The following EPHA3 variants were observed in gnomAD, a reference collection of about 807,000 sequenced individuals.
The protein encoded by EPHA3 is ephrin type-A receptor 3.
EPHA3 carries 42 observed loss-of-function variants against 107.1 expected under a neutral mutation model. The ratio of observed to expected loss-of-function variants is 0.39; its 90% CI spans 0.31 to 0.51. EPHA3 has a LOEUF of 0.51. EPHA3 is among the 20% of genes least tolerant of loss of function. EPHA3 has a pLI of 0.78. For synonymous variants in EPHA3, 461 were observed against 424.8 expected, an observed-to-expected ratio of 1.09 and a Z score of -1.05; for missense variants, 1,183 against 1,211.2, an observed-to-expected ratio of 0.98 and a Z score of 0.35.
intron 5 of EPHA3, among the ~76,000 whole-genome samples, chr3:89,349,613 T>G (rs1707756380): frequency 1.4e-5 from 2 of 141,616 alleles, no homozygotes; most frequent in South Asian, 2.3e-4. Flanking sequence ...TTAGTCCATT[T>G]ACATTTAAAG....
At chr3:89,168,368 T>G (rs570181844) in intron 2 of EPHA3, among the ~76,000 whole-genome samples, 5 of 152,238 alleles carry the variant, frequency 3.3e-5, no homozygotes, top group Non-Finnish European at 5.9e-5. Context: ...AGTGGAAAGT[T>G]TATGTTATTT....
chr3:89,422,788 T>C (rs1424491139), intron 11 of EPHA3, among the ~76,000 whole-genome samples: 2 of 151,460 alleles, frequency 1.3e-5, no homozygotes, highest in South Asian at 2.1e-4. Context: ...TCAAATACAA[T>C]GTATCATTTT....
chr3:89,322,018 A>T (rs1707054457), intron 3 of EPHA3, among the ~76,000 whole-genome samples: 1 of 152,016 alleles, frequency 6.6e-6, no homozygotes, highest in South Asian at 2.1e-4. Flanking sequence ...AGTTTGGTAG[A>T]ATTGTGTGAA....
At chr3:89,218,130 A>G (rs1225412368) in intron 3 of EPHA3, among the ~76,000 whole-genome samples, 1 of 151,470 alleles carries the variant, frequency 6.6e-6, no homozygotes, top group African/African-American at 2.4e-5. Context: ...AGCATCTTGG[A>G]TTTTATTATT....
At chr3:89,328,765 A>C (rs1707227126) in intron 3 of EPHA3, among the ~76,000 whole-genome samples, 1 of 152,142 alleles carries the variant, frequency 6.6e-6, no homozygotes, top group African/African-American at 2.4e-5. Context: ...AAGAGATAAT[A>C]CCAGTCTCAC....
In EPHA3 at chr3:89,446,836, A is replaced by G. The variant is rs1216652803; in HGVS notation, c.2347-2389A>G. ...GAAAGTATACTTATACGCTTTCAGT[A>G]ATTTGGTTCTGGAAAAAGAGAAGTA... On this transcript the variant is annotated intron_variant, in intron 13 of 16. Transcript: ENST00000336596. Among the ~76,000 whole-genome samples the G allele has an allele frequency of 2.0e-5, 3 of 152,214 alleles. No individual in the cohort carries two copies. The South Asian group carries it at 6.2e-4, about 32-fold the overall frequency.
At chr3:89,460,976 C>G (rs1327996776) in intron 15 of EPHA3, among the ~76,000 whole-genome samples, 22 of 120,640 alleles carry the variant, frequency 1.8e-4, no homozygotes, top group East Asian at 4.8e-4. Context: ...TCCCTCCCCC[C>G]TCCCCCGACC....
chr3:89,429,650 T>C (rs1365013811), intron 12 of EPHA3, among the ~76,000 whole-genome samples: 2 of 152,160 alleles, frequency 1.3e-5, no homozygotes, highest in African/African-American at 2.4e-5. Context: ...CTGTTAGATA[T>C]GTACATTAAT....
At chr3:89,382,852 A>G (rs1708539537) in intron 5 of EPHA3, among the ~76,000 whole-genome samples, 1 of 152,288 alleles carries the variant, frequency 6.6e-6, no homozygotes, top group South Asian at 2.1e-4. Flanking sequence ...ATGTTCCTGG[A>G]CTAACATTTG....
intron 2 of EPHA3, among the ~76,000 whole-genome samples, chr3:89,202,532 AAAATAT>A (rs1396533982): frequency 0.022 from 559 of 25,334 alleles, no homozygotes; most frequent in African/African-American, 0.041. Flanking sequence ...AAAAAAAAAA[AAAATAT>A]ATATATATAT....
At chr3:89,214,941 G>C (rs1054667354) in intron 3 of EPHA3, among the ~76,000 whole-genome samples, 3 of 151,840 alleles carry the variant, frequency 2.0e-5, no homozygotes, top group African/African-American at 7.2e-5. Context: ...GTTAAGCCTA[G>C]GTTTTGTTCA....
chr3:89,440,720 C>A (rs934771636), intron 13 of EPHA3, among the ~76,000 whole-genome samples: 5 of 152,210 alleles, frequency 3.3e-5, no homozygotes, highest in African/African-American at 1.2e-4. Context: ...GTTTTAGACT[C>A]TCAACTAATC....
intron 3 of EPHA3, among the ~76,000 whole-genome samples, chr3:89,293,063 T>C (rs759053841): frequency 6.6e-6 from 1 of 152,172 alleles, no homozygotes; most frequent in East Asian, 1.9e-4. Context: ...TGGTATCCCA[T>C]TGTGGCTTTA....
intron 3 of EPHA3, among the ~76,000 whole-genome samples, chr3:89,211,742 CCTTCTT>C (rs1206791496): frequency 0.062 from 1,190 of 19,258 alleles, 14 homozygotes; most frequent in East Asian, 0.11. Flanking sequence ...TTCTTCTTCT[CCTTCTT>C]CTTCTTCTTC....
chr3:89,365,740 A>G (rs567640052), intron 5 of EPHA3, among the ~76,000 whole-genome samples: 1 of 150,854 alleles, frequency 6.6e-6, no homozygotes, highest in South Asian at 2.1e-4. Flanking sequence ...AGAGGAATAG[A>G]GGACAAAGCG....
chr3:89,454,554 A>G (rs1710060110), intron 15 of EPHA3, among the ~76,000 whole-genome samples: 1 of 152,122 alleles, frequency 6.6e-6, no homozygotes. Flanking sequence ...CCCTGCTTTG[A>G]TTGCTTTCAA....
At chr3:89,190,782 A>G (rs1300428878) in intron 2 of EPHA3, among the ~76,000 whole-genome samples, 1 of 152,230 alleles carries the variant, frequency 6.6e-6, no homozygotes, top group Non-Finnish European at 1.5e-5. Context: ...TTTCTGGCTT[A>G]TAAATGGCTG....
chr3:89,233,438 C>T (rs940879521), intron 3 of EPHA3, among the ~76,000 whole-genome samples: 1 of 152,058 alleles, frequency 6.6e-6, no homozygotes, highest in African/African-American at 2.4e-5. Flanking sequence ...GCGGGGCTTG[C>T]CTTTGGTACT....
At chr3:89,130,792 G>A (rs1004202633) in intron 2 of EPHA3, among the ~76,000 whole-genome samples, 6 of 151,920 alleles carry the variant, frequency 3.9e-5, no homozygotes, top group African/African-American at 1.2e-4. Context: ...CCGCCACCAC[G>A]CTCAGCTAAT....
Sources: gnomAD v4.1 joint callset for allele counts (sites outside exome capture counted in the v4.1 genomes callset) on GRCh38, gnomAD v4.1.1 for gene constraint, MANE v1.5 for transcripts, NCBI Gene and HGNC (gene_info 2026-07-23, HGNC 2026-07-21) for gene names.